Variants in TBC1D5 observed in about 807,000 individuals in gnomAD.
TBC1D5 encodes the protein TBC1 domain family member 5, also known as TBC1 domain family, member 5.
In TBC1D5, 75 loss-of-function variants were observed where a neutral mutation model predicts 100.3. The observed-to-expected ratio is 0.75, with a 90% confidence interval of 0.62 to 0.91. TBC1D5 has a LOEUF of 0.91. TBC1D5 is among the 40% of genes least tolerant of loss of function. The pLI is 0.00. For synonymous variants in TBC1D5, 323 were observed against 325.6 expected (o/e 0.99, Z 0.09); for missense variants, 910 against 942.4 (o/e 0.97, Z 0.45).
At chr3:17,458,452 T>TG (rs2095136559) in intron 3 of TBC1D5, among the ~76,000 whole-genome samples, 1 of 152,176 alleles carries the variant, frequency 6.6e-6, no homozygotes, top group Non-Finnish European at 1.5e-5. Flanking sequence ...GATGGGTTCA[T>TG]AAACAAGCCT....
At chr3:17,648,703 A>C (rs988379528) in intron 1 of TBC1D5, among the ~76,000 whole-genome samples, 1 of 152,200 alleles carries the variant, frequency 6.6e-6, no homozygotes, top group Non-Finnish European at 1.5e-5. Flanking sequence ...GAAGACATAC[A>C]TGCGGCCAAC....
At chr3:17,705,840 C>T (rs1302614844) in intron 1 of TBC1D5, among the ~76,000 whole-genome samples, 26 of 149,326 alleles carry the variant, frequency 1.7e-4, no homozygotes, top group Non-Finnish European at 3.7e-4. Context: ...ACTTCCCAGA[C>T]GGGGTGGCGG....
intron 2 of TBC1D5, among the ~76,000 whole-genome samples, chr3:17,574,966 G>T (rs2153517538): frequency 6.6e-6 from 1 of 151,968 alleles, no homozygotes; most frequent in East Asian, 1.9e-4. Flanking sequence ...ATAAAAGACA[G>T]AAATATTTAA....
At chr3:17,545,856 G>C (rs1390924678) in intron 2 of TBC1D5, among the ~76,000 whole-genome samples, 1 of 152,074 alleles carries the variant, frequency 6.6e-6, no homozygotes, top group Non-Finnish European at 1.5e-5. Flanking sequence ...ATTGCTGACA[G>C]CACCCTTCTT....
At chr3:17,658,311 C>T (rs1471688523) in intron 1 of TBC1D5, among the ~76,000 whole-genome samples, 2 of 152,188 alleles carry the variant, frequency 1.3e-5, no homozygotes, top group Admixed American at 6.5e-5. Flanking sequence ...TTACTGTCCA[C>T]ATGCTAAAAG....
At chr3:17,388,137 T>A (rs1253075039) in intron 8 of TBC1D5, among the ~76,000 whole-genome samples, 1 of 152,058 alleles carries the variant, frequency 6.6e-6, no homozygotes, top group Non-Finnish European at 1.5e-5. Flanking sequence ...AGGGTAAAAG[T>A]CATATTTCAG....
intron 3 of TBC1D5, among the ~76,000 whole-genome samples, chr3:17,460,075 A>C (rs1345891292): frequency 6.6e-6 from 1 of 152,208 alleles, no homozygotes; most frequent in African/African-American, 2.4e-5. Context: ...TTCAGTACGC[A>C]CTGTTTCACT....
chr3:17,696,154 T>C (rs1171258805), intron 1 of TBC1D5, among the ~76,000 whole-genome samples: 1 of 151,492 alleles, frequency 6.6e-6, no homozygotes, highest in African/African-American at 2.4e-5. Context: ...GCAAGAAAGA[T>C]CTAAAATCGA....
intron 2 of TBC1D5, among the ~76,000 whole-genome samples, chr3:17,585,955 G>A (rs544987345): frequency 6.6e-6 from 1 of 152,032 alleles, no homozygotes; most frequent in African/African-American, 2.4e-5. Flanking sequence ...ACTTCTTTAA[G>A]AAATGGTGGG....
rs879589846 is a variant in TBC1D5 at position 17,285,059 on chromosome 3, TA to T, written c.1245+6835del. Among the ~76,000 whole-genome samples the T allele has an allele frequency of 7.7e-3, 1,055 of 136,406 alleles. 4 individuals carry two copies. The highest frequency in any genetic ancestry group is 0.01 in the Non-Finnish European group (637 of 62,774). 89.5% of individuals were successfully genotyped at this position (136,406 alleles called of 152,430 possible). On this transcript the variant is annotated intron_variant, in intron 15 of 21. Coordinates refer to ENST00000253692, the Ensembl canonical transcript of TBC1D5. Reference sequence around the variant, plus strand: ...TCTAAGAAATGCCCAGTTTTGGGAGTAAAAAAAAAAAAAGATGAAAATAGGA... The same window carrying T: ...TCTAAGAAATGCCCAGTTTTGGGAGTAAAAAAAAAAAAGATGAAAATAGGA...
chr3:17,369,542 G>A (rs528445621), intron 13 of TBC1D5, among the ~76,000 whole-genome samples: 98 of 152,198 alleles, frequency 6.4e-4, no homozygotes, highest in African/African-American at 2.3e-3. Context: ...AGAGATGGGG[G>A]TCTTGCTATG....
chr3:17,413,694 G>A (rs1252827446), intron 4 of TBC1D5, among the ~76,000 whole-genome samples: 2 of 152,040 alleles, frequency 1.3e-5, no homozygotes, highest in Admixed American at 1.3e-4. Flanking sequence ...ATGACTAGAA[G>A]GCTTCTGAAT....
chr3:17,467,433 A>G (rs533531237), intron 3 of TBC1D5, among the ~76,000 whole-genome samples: 1 of 152,172 alleles, frequency 6.6e-6, no homozygotes, highest in South Asian at 2.1e-4. Context: ...GTCCAGGTTC[A>G]ATCTAGACCT....
intron 2 of TBC1D5, among the ~76,000 whole-genome samples, chr3:17,514,983 C>T (rs1476510203): frequency 2.0e-5 from 3 of 151,134 alleles, no homozygotes; most frequent in African/African-American, 4.9e-5. Context: ...ATAGATATTA[C>T]CTCTAGCCAT....
intron 15 of TBC1D5, among the ~76,000 whole-genome samples, chr3:17,282,979 G>C (rs1159078081): frequency 6.6e-6 from 1 of 152,248 alleles, no homozygotes; most frequent in East Asian, 1.9e-4. Flanking sequence ...CGGTCACTGA[G>C]TGACTCTGGA....
At chr3:17,425,329 T>C (rs1295347543) in intron 4 of TBC1D5, among the ~76,000 whole-genome samples, 2 of 152,214 alleles carry the variant, frequency 1.3e-5, no homozygotes, top group East Asian at 3.9e-4. Flanking sequence ...TGTTTAAACA[T>C]TGTTTTTAAA....
intron 15 of TBC1D5, among the ~76,000 whole-genome samples, chr3:17,267,346 A>G (rs2078957421): frequency 6.6e-6 from 1 of 151,842 alleles, no homozygotes; most frequent in Non-Finnish European, 1.5e-5. Context: ...TCTTTTCAGT[A>G]GTACTGAACT....
At chr3:17,274,138 C>T (rs563605713) in intron 15 of TBC1D5, among the ~76,000 whole-genome samples, 8 of 151,972 alleles carry the variant, frequency 5.3e-5, no homozygotes, top group South Asian at 2.1e-4. Flanking sequence ...AAAAATAATA[C>T]GAACTTTAAT....
intron 13 of TBC1D5, among the ~76,000 whole-genome samples, chr3:17,363,481 A>G (rs554532151): frequency 6.6e-6 from 1 of 151,348 alleles, no homozygotes; most frequent in African/African-American, 2.4e-5. Context: ...TTTTTTAGAG[A>G]CAGGGTCTAC....
Sources: allele counts gnomAD v4.1 joint callset (sites outside exome capture counted in the v4.1 genomes callset), GRCh38; gene constraint gnomAD v4.1.1; transcripts MANE v1.5; gene names NCBI Gene and HGNC (gene_info 2026-07-23, HGNC 2026-07-21).